The following MSRA variants were observed in gnomAD, a reference collection of about 807,000 sequenced individuals.
The protein encoded by MSRA is methionine sulfoxide reductase A, also known as mitochondrial peptide methionine sulfoxide reductase.
Under a neutral mutation model 31.3 loss-of-function variants are expected in MSRA, and 54 were observed. That is an observed-to-expected ratio of 1.73 (90% CI 1.39 to 2.17). The LOEUF (loss-of-function observed/expected upper bound fraction) is 2.17. Ranked by LOEUF, MSRA falls within the 30% of genes most tolerant of loss-of-function variation. MSRA has a pLI of 0.00. For synonymous variants in MSRA, 169 were observed against 116.5 expected, an observed-to-expected ratio of 1.45 and a Z score of -2.90; for missense variants, 507 against 300.9, an observed-to-expected ratio of 1.69 and a Z score of -5.07.
intron 5 of MSRA, chr8:10,411,710 G>C (rs961183349): frequency 6.6e-6 from 1 of 152,166 alleles, no homozygotes; most frequent in Non-Finnish European, 1.5e-5. Context: ...GTCTTAATCA[G>C]TGAATAAAAA....
intron 1 of MSRA, among the ~76,000 whole-genome samples, chr8:10,169,922 T>TC (rs1805452614): frequency 6.6e-6 from 1 of 150,952 alleles, no homozygotes; most frequent in African/African-American, 2.4e-5. Flanking sequence ...TCTTTCTTTT[T>TC]TTTTTTTTTT....
chr8:10,284,390 C>T (rs182013174), intron 3 of MSRA, among the ~76,000 whole-genome samples: 1 of 152,046 alleles, frequency 6.6e-6, no homozygotes, highest in Non-Finnish European at 1.5e-5. Context: ...ACTGGGGTTT[C>T]ACCATGTTAG....
At chr8:10,376,530 G>A (rs893129748) in intron 5 of MSRA, among the ~76,000 whole-genome samples, 1 of 152,168 alleles carries the variant, frequency 6.6e-6, no homozygotes, top group Admixed American at 6.5e-5. Flanking sequence ...GTAATGATAG[G>A]ACCTGCCTCC....
chr8:10,301,710 A>T, intron 4 of MSRA, 72 bp downstream of exon 4: 1 of 1,201,860 alleles, frequency 8.3e-7, no homozygotes, highest in Non-Finnish European at 1.2e-6. Context: ...TTTGAGCTGC[A>T]TGGAAGAGAT....
chr8:10,197,530 G>C (rs1808097603), intron 1 of MSRA, among the ~76,000 whole-genome samples: 1 of 152,164 alleles, frequency 6.6e-6, no homozygotes, highest in Non-Finnish European at 1.5e-5. Flanking sequence ...GAGAGGGCCA[G>C]GGTTGTCTTT....
At chr8:10,102,960 T>G (rs933289904) in intron 1 of MSRA, among the ~76,000 whole-genome samples, 1 of 152,192 alleles carries the variant, frequency 6.6e-6, no homozygotes, top group African/African-American at 2.4e-5. Flanking sequence ...TACTTGTGTT[T>G]GATAACTTGT....
At chr8:10,292,545 C>A (rs981704622) in intron 3 of MSRA, among the ~76,000 whole-genome samples, 1 of 152,264 alleles carries the variant, frequency 6.6e-6, no homozygotes, top group African/African-American at 2.4e-5. Flanking sequence ...CGTCGGTCCT[C>A]TTCACAGCCA....
At chr8:10,112,729 C>T (rs1246003044) in intron 1 of MSRA, among the ~76,000 whole-genome samples, 1 of 152,160 alleles carries the variant, frequency 6.6e-6, no homozygotes, top group African/African-American at 2.4e-5. Context: ...ACACAGAGAC[C>T]TATGGGAACA....
intron 1 of MSRA, among the ~76,000 whole-genome samples, chr8:10,105,721 T>C (rs1458845540): frequency 1.3e-5 from 2 of 152,202 alleles, no homozygotes; most frequent in African/African-American, 4.8e-5. Context: ...AATAACTTAA[T>C]TGAGAAATGC....
chr8:10,124,176 G>T (rs17746245), intron 1 of MSRA, among the ~76,000 whole-genome samples: 47,272 of 151,972 alleles, frequency 0.31, 8,381 homozygotes, highest in Middle Eastern at 0.49. Flanking sequence ...CCTTCTTTGG[G>T]GACATTGAGA....
At chr8:10,360,791 C>A (rs1291539664) in intron 5 of MSRA, among the ~76,000 whole-genome samples, 2 of 152,180 alleles carry the variant, frequency 1.3e-5, no homozygotes, top group Non-Finnish European at 2.9e-5. Flanking sequence ...GGAGTCCACC[C>A]TCTAGTGGGG....
intron 1 of MSRA, among the ~76,000 whole-genome samples, chr8:10,175,998 T>C (rs893313021): frequency 2.0e-5 from 3 of 152,248 alleles, no homozygotes; most frequent in Non-Finnish European, 4.4e-5. Flanking sequence ...TAGCTTTTCC[T>C]GAGTCATCAG....
intron 2 of MSRA, among the ~76,000 whole-genome samples, chr8:10,208,613 C>T (rs575323043): frequency 6.6e-6 from 1 of 152,152 alleles, no homozygotes; most frequent in South Asian, 2.1e-4. Context: ...GGGCCCATCT[C>T]CCACCTCCCC....
At chr8:10,369,071 A>G (rs1467617862) in intron 5 of MSRA, among the ~76,000 whole-genome samples, 1 of 152,252 alleles carries the variant, frequency 6.6e-6, no homozygotes, top group African/African-American at 2.4e-5. Context: ...CAGGATTCAC[A>G]ATGAGTTCGA....
chr8:10,063,854 G>A (rs1461177385), intron 1 of MSRA, among the ~76,000 whole-genome samples: 1 of 152,224 alleles, frequency 6.6e-6, no homozygotes, highest in African/African-American at 2.4e-5. Flanking sequence ...ATAGCAGTCT[G>A]GCGGACTGAG....
Position 10,159,400 on chromosome 8 carries a change from T to C in MSRA, c.143-48433T>C, listed in dbSNP as rs140384109. Among the ~76,000 whole-genome samples, 1,184 of 152,264 alleles carry C rather than the reference T, an allele frequency of 7.8e-3. 5 individuals are homozygous for C. The highest frequency in any genetic ancestry group is 0.027 in the African/African-American group (1,113 of 41,548). On this transcript the variant is annotated intron_variant, in intron 1 of 5. Transcript: ENST00000317173. ...GAGGCAGACATTTGGGAATTGTTAA[T>C]ATATATCAGCAGTATCTCCAGAACT...
chr8:10,115,560 C>T lies in MSRA; in HGVS notation c.142+60902C>T, dbSNP rs149396463. 7.9e-5 allele frequency among the ~76,000 whole-genome samples: 12 copies of T among 152,328 alleles called. No homozygotes were observed. In the East Asian group the frequency reaches 2.1e-3, roughly 27 times the overall value. ...AGATTTGTGGTAATTTGTTGCCACACGGCCCTAGGGAACAATGCAGTGACT... is the reference window on the plus strand; with the variant it reads ...AGATTTGTGGTAATTTGTTGCCACATGGCCCTAGGGAACAATGCAGTGACT... On this transcript the variant is annotated intron_variant, in intron 1 of 5. Coordinates refer to ENST00000317173, the MANE Select transcript of MSRA (RefSeq NM_012331.5).
At chr8:10,403,195 C>T (rs748530816) in intron 5 of MSRA, among the ~76,000 whole-genome samples, 45 of 152,296 alleles carry the variant, frequency 3.0e-4, no homozygotes, top group Middle Eastern at 3.4e-3. Context: ...GAGAAGCTTC[C>T]GGAAACTTGG....
chr8:10,401,878 G>A (rs1807488425), intron 5 of MSRA, among the ~76,000 whole-genome samples: 1 of 152,108 alleles, frequency 6.6e-6, no homozygotes, highest in African/African-American at 2.4e-5. Flanking sequence ...ATAGAAAATG[G>A]AATAGAGGTT....
Sources: gnomAD v4.1 joint callset for allele counts (sites outside exome capture counted in the v4.1 genomes callset) on GRCh38, gnomAD v4.1.1 for gene constraint, MANE v1.5 for transcripts, NCBI Gene and HGNC (gene_info 2026-07-23, HGNC 2026-07-21) for gene names.